The following CSMD1 variants were observed in gnomAD, a reference collection of about 807,000 sequenced individuals.
CSMD1 encodes CUB and sushi domain-containing protein 1.
CSMD1 carries 213 observed loss-of-function variants against 417.5 expected under a neutral mutation model. The observed-to-expected ratio is 0.51, with a 90% confidence interval of 0.46 to 0.57. The LOEUF (loss-of-function observed/expected upper bound fraction) is 0.57, where lower values mean the gene tolerates loss of function less well. Among genes scored for constraint, CSMD1 ranks in the 20% least tolerant of loss-of-function variants. CSMD1 has a pLI of 0.00. For synonymous variants in CSMD1, 2,862 were observed against 1,736.8 expected, an observed-to-expected ratio of 1.65 and a Z score of -16.11; for missense variants, 6,923 against 4,529.7, an observed-to-expected ratio of 1.53 and a Z score of -15.17.
intron 10 of CSMD1, among the ~76,000 whole-genome samples, chr8:3,557,587 A>T (rs894646619): frequency 6.6e-6 from 1 of 152,218 alleles, no homozygotes; most frequent in Non-Finnish European, 1.5e-5. Context: ...AATTGGCCCC[A>T]ACAGCCTCTC....
intron 5 of CSMD1, among the ~76,000 whole-genome samples, chr8:3,808,866 A>G (rs144857133): frequency 3.9e-5 from 6 of 152,308 alleles, no homozygotes; most frequent in African/African-American, 9.6e-5. Context: ...TTAGGTCTCA[A>G]TGAGAATTCT....
intron 10 of CSMD1, among the ~76,000 whole-genome samples, chr8:3,562,163 T>C (rs533876469): frequency 2.0e-5 from 3 of 151,668 alleles, no homozygotes; most frequent in East Asian, 1.9e-4. Context: ...CTGTAAATAA[T>C]ACAGTAGTAG....
chr8:3,538,589 T>A (rs1798305222), intron 10 of CSMD1, among the ~76,000 whole-genome samples: 1 of 152,264 alleles, frequency 6.6e-6, no homozygotes, highest in African/African-American at 2.4e-5. Flanking sequence ...TGTGATTGTG[T>A]GCCCACAAAA....
chr8:3,152,063 G>C (rs1819230233), intron 39 of CSMD1, among the ~76,000 whole-genome samples: 1 of 152,170 alleles, frequency 6.6e-6, no homozygotes, highest in South Asian at 2.1e-4. Context: ...AGCTGCGTCT[G>C]GTTCCAGTAC....
intron 3 of CSMD1, among the ~76,000 whole-genome samples, chr8:4,155,990 T>C (rs1008834172): frequency 1.2e-4 from 19 of 152,084 alleles, no homozygotes; most frequent in Admixed American, 9.8e-4. Context: ...CTGATAAACA[T>C]CAAAAAAGCC....
At chr8:3,595,874 T>G (rs995146853) in intron 8 of CSMD1, among the ~76,000 whole-genome samples, 1 of 152,186 alleles carries the variant, frequency 6.6e-6, no homozygotes, top group Admixed American at 6.5e-5. Context: ...GGAAGAGGGT[T>G]TGGATGCAGC....
At chr8:4,136,381 G>C (rs186728292) in intron 3 of CSMD1, among the ~76,000 whole-genome samples, 1 of 152,138 alleles carries the variant, frequency 6.6e-6, no homozygotes, top group African/African-American at 2.4e-5. Flanking sequence ...CTGCCTGCCT[G>C]CAACTTGACT....
chr8:3,630,771 G>A (rs916332646), intron 7 of CSMD1, among the ~76,000 whole-genome samples: 1 of 152,144 alleles, frequency 6.6e-6, no homozygotes, highest in Non-Finnish European at 1.5e-5. Flanking sequence ...ACTCACCATG[G>A]TGGCTAAAGC....
chr8:4,103,448 A>G (rs1801408041), intron 3 of CSMD1, among the ~76,000 whole-genome samples: 1 of 151,100 alleles, frequency 6.6e-6, no homozygotes, highest in Non-Finnish European at 1.5e-5. Context: ...AAAGGGTACC[A>G]TAACATCCAC....
intron 2 of CSMD1, among the ~76,000 whole-genome samples, chr8:4,420,719 A>C (rs1297439807): frequency 6.6e-6 from 1 of 152,154 alleles, no homozygotes; most frequent in Non-Finnish European, 1.5e-5. Flanking sequence ...GGCCCCGTGC[A>C]ATAGGCTGTG....
chr8:3,745,870 T>C (rs776682234), intron 6 of CSMD1, among the ~76,000 whole-genome samples: 75 of 152,178 alleles, frequency 4.9e-4, no homozygotes, highest in Non-Finnish European at 1.5e-4. Flanking sequence ...CATTATCATG[T>C]AGGTAATTGC....
intron 3 of CSMD1, among the ~76,000 whole-genome samples, chr8:4,132,004 TC>T (rs1350666745): frequency 6.6e-6 from 1 of 151,958 alleles, no homozygotes; most frequent in Non-Finnish European, 1.5e-5. Flanking sequence ...GACCTCGTGA[TC>T]CCTGTGACTA....
intron 26 of CSMD1, among the ~76,000 whole-genome samples, chr8:3,241,046 C>A (rs1156239566): frequency 8.1e-5 from 12 of 148,332 alleles, no homozygotes; most frequent in African/African-American, 3.0e-4. Context: ...GTAGAGGTAT[C>A]TCATACTTGT....
At chr8:3,402,520 A>T (rs1203208213) in intron 15 of CSMD1, among the ~76,000 whole-genome samples, 1 of 152,190 alleles carries the variant, frequency 6.6e-6, no homozygotes, top group Non-Finnish European at 1.5e-5. Flanking sequence ...TTTTGCCCGG[A>T]GGCCATAAAA....
intron 1 of CSMD1, among the ~76,000 whole-genome samples, chr8:4,840,896 T>G (rs978618779): frequency 6.6e-6 from 1 of 152,224 alleles, no homozygotes; most frequent in African/African-American, 2.4e-5. Flanking sequence ...TTTGCGTGTC[T>G]CAATCAACAC....
At chr8:4,975,781 T>C (rs11778422) in intron 1 of CSMD1, among the ~76,000 whole-genome samples, 106,563 of 152,070 alleles carry the variant, frequency 0.7, 38,502 homozygotes, top group African/African-American at 0.86. Flanking sequence ...CTATGACCAG[T>C]TGTGGAGGAG....
At chr8:3,055,021 T>C (rs570215681) in intron 49 of CSMD1, among the ~76,000 whole-genome samples, 3 of 152,334 alleles carry the variant, frequency 2.0e-5, no homozygotes, top group South Asian at 2.1e-4. Context: ...CACGTGTTCA[T>C]GATCGCAAGC....
intron 1 of CSMD1, among the ~76,000 whole-genome samples, chr8:4,805,708 A>C (rs1283402808): frequency 6.6e-6 from 1 of 152,230 alleles, no homozygotes; most frequent in Non-Finnish European, 1.5e-5. Context: ...AACAGACCTC[A>C]TAAAGCATTA....
intron 1 of CSMD1, among the ~76,000 whole-genome samples, chr8:4,834,464 C>T (rs989689589): frequency 6.6e-6 from 1 of 152,110 alleles, no homozygotes. Flanking sequence ...CATGTATTCA[C>T]GCAACTTTTA....
Sources: allele counts gnomAD v4.1 joint callset (sites outside exome capture counted in the v4.1 genomes callset), GRCh38; gene constraint gnomAD v4.1.1; transcripts MANE v1.5; gene names NCBI Gene and HGNC (gene_info 2026-07-23, HGNC 2026-07-21).